UGT1A7: variants seen among roughly 807,000 people sequenced by gnomAD.
UGT1A7 encodes the protein UDP glucuronosyltransferase family 1 member A7, also known as UDP-glucuronosyltransferase 1A7.
A neutral mutation model predicts 45.6 loss-of-function variants in UGT1A7; 33 were observed. The ratio of observed to expected loss-of-function variants is 0.72; its 90% CI spans 0.55 to 0.97. UGT1A7 has a LOEUF of 0.97. UGT1A7 is among the 50% of genes least tolerant of loss of function. The pLI is 0.00. For missense variants in UGT1A7, 684 were observed against 666.2 expected (o/e 1.03, Z -0.29); for synonymous variants, 274 against 250.6 (o/e 1.09, Z -0.88).
rs1226545500 is a variant in UGT1A7 at position 233,773,111 on chromosome 2, T to C, written c.*552T>C. On this transcript the variant is annotated 3_prime_UTR_variant, in exon 5 of 5. Transcript: ENST00000373426. ...GCACTGAGAACAGCATATGATTTCT[T>C]GCTTTGGGGAAAAAGAATGATGCTA... The C allele has an allele frequency of 6.4e-6, 1 of 155,166 alleles. No individual in the cohort carries two copies. Among genetic ancestry groups the C allele is most frequent in the Non-Finnish European group, 1.4e-5 (1 of 69,776 alleles). 9.6% of individuals were successfully genotyped at this position (155,166 alleles called of 1,614,324 possible).
intron 1 of UGT1A7, among the ~76,000 whole-genome samples, chr2:233,764,963 G>A (rs1465022385): frequency 6.6e-6 from 1 of 152,090 alleles, no homozygotes; most frequent in East Asian, 1.9e-4. Flanking sequence ...GCTCACCTTG[G>A]GAGAAGGATG....
chr2:233,724,540 G>A (rs1161691820), intron 1 of UGT1A7, among the ~76,000 whole-genome samples: 2 of 122,844 alleles, frequency 1.6e-5, no homozygotes, highest in African/African-American at 3.3e-5. Context: ...CCGGGCAGAG[G>A]CGCTCCTCAC....
intron 1 of UGT1A7, among the ~76,000 whole-genome samples, chr2:233,684,647 T>A (rs1458462010): frequency 6.6e-6 from 1 of 152,170 alleles, no homozygotes; most frequent in African/African-American, 2.4e-5. Flanking sequence ...AATATATGCA[T>A]TTATATGCCT....
intron 1 of UGT1A7, chr2:233,743,644 G>T (rs1317452521): frequency 1.5e-6 from 2 of 1,367,194 alleles, no homozygotes; most frequent in East Asian, 9.1e-5. Flanking sequence ...CGCGGAAGCT[G>T]AAGACGTACT....
In UGT1A7 at chr2:233,725,005, C is replaced by T. The variant is rs1205607932; in HGVS notation, c.856-42029C>T. 3.6e-4 allele frequency among the ~76,000 whole-genome samples: 53 copies of T among 147,398 alleles called. 3 individuals carry two copies. The highest frequency in any genetic ancestry group is 1.3e-3 in the African/African-American group (50 of 39,416). The stretch of plus-strand genomic sequence containing the variant: ...CGCGGTTAGGGGCTGGAGACCGGCC[C>T]GGCCAAACAGCAAAACCCGGTCTCC... On this transcript the variant is annotated intron_variant, in intron 1 of 4. Transcript: ENST00000373426.
rs1254411333 is a variant in UGT1A7 at position 233,772,451 on chromosome 2, C to T, written c.1485C>T (p.Val495=). ...SLDVIGFLLA[V]VLTVAFITFK... The stretch of plus-strand genomic sequence containing the variant: ...ACGTGATTGGTTTCCTCTTGGCCGT[C>T]GTGCTGACAGTGGCCTTCATCACCT... The change falls in exon 5 of 5, where the codon GTC becomes GTT. Residue 495 remains valine (V), a synonymous_variant. Transcript: ENST00000373426. 9 of 1,614,028 alleles carry T rather than the reference C, an allele frequency of 5.6e-6. No homozygotes were observed. The highest frequency in any genetic ancestry group is 1.1e-5 in the South Asian group (1 of 91,086).
intron 1 of UGT1A7, chr2:233,691,193 C>T: frequency 1.0e-6 from 1 of 985,666 alleles, no homozygotes; most frequent in Non-Finnish European, 1.2e-6. Flanking sequence ...GAAGGTGGAC[C>T]TGAGCTCTGT....
chr2:233,743,499 G>A (rs1692319680), intron 1 of UGT1A7: 1 of 1,367,148 alleles, frequency 7.3e-7, no homozygotes, highest in African/African-American at 1.5e-5. Context: ...CAGAGAAAAG[G>A]GGTGCAGACG....
chr2:233,766,494 G>T (rs1250106940), intron 1 of UGT1A7, among the ~76,000 whole-genome samples: 2 of 152,182 alleles, frequency 1.3e-5, no homozygotes, highest in Non-Finnish European at 2.9e-5. Flanking sequence ...GGCGTGGCAG[G>T]CCAGGGTGGT....
At chr2:233,710,852 T>A (rs1299633066) in intron 1 of UGT1A7, among the ~76,000 whole-genome samples, 1 of 152,250 alleles carries the variant, frequency 6.6e-6, no homozygotes, top group East Asian at 1.9e-4. Context: ...AGGATTTGTT[T>A]CTATGTTTTT....
At chr2:233,714,637 G>A (rs144014663) in intron 1 of UGT1A7, among the ~76,000 whole-genome samples, 2 of 152,328 alleles carry the variant, frequency 1.3e-5, no homozygotes, top group East Asian at 3.9e-4. Context: ...TAAAATTAAT[G>A]TGAATAATGC....
At chr2:233,686,517 C>T (rs949719611) in intron 1 of UGT1A7, among the ~76,000 whole-genome samples, 5 of 152,098 alleles carry the variant, frequency 3.3e-5, no homozygotes, top group Non-Finnish European at 7.4e-5. Context: ...GGAGCCTCCA[C>T]CTGCGTTAGA....
chr2:233,713,546 A>G, intron 1 of UGT1A7: 1 of 1,613,984 alleles, frequency 6.2e-7, no homozygotes, highest in South Asian at 1.1e-5. Context: ...TTAAGGGCAC[A>G]CAGTGTCCAA....
intron 1 of UGT1A7, among the ~76,000 whole-genome samples, chr2:233,764,304 G>T (rs1377470557): frequency 6.6e-6 from 1 of 152,130 alleles, no homozygotes; most frequent in Non-Finnish European, 1.5e-5. Context: ...TCAGGGTGAA[G>T]TTTAAGGGAA....
At chr2:233,747,695 G>C in intron 1 of UGT1A7, 1 of 1,611,470 alleles carries the variant, frequency 6.2e-7, no homozygotes, top group Non-Finnish European at 8.5e-7. Flanking sequence ...GGGCAGTGCT[G>C]GCTAAGTACC....
At chr2:233,760,403 A>T (rs2125983562) in intron 1 of UGT1A7, 1 of 1,614,240 alleles carries the variant, frequency 6.2e-7, no homozygotes, top group Non-Finnish European at 8.5e-7. Flanking sequence ...GATGGCAGCC[A>T]CTGGCTGAGC....
chr2:233,769,841 G>A lies in UGT1A7; in HGVS notation c.1295+1402G>A. On this transcript the variant is annotated intron_variant, in intron 4 of 4. Transcript: ENST00000373426. The surrounding 1 kb of genome is among the most constrained non-coding windows in gnomAD (Gnocchi z 4.4). ...CTGCACTCCAGCAACCTGGGCAACAGAGTGAGACCCTGTCTCAAAAAAAAA... is the reference window on the plus strand; with the variant it reads ...CTGCACTCCAGCAACCTGGGCAACAAAGTGAGACCCTGTCTCAAAAAAAAA... 1.8e-6 allele frequency: 1 copy of A among 550,094 alleles called. No individual in the cohort carries two copies. Among genetic ancestry groups the A allele is most frequent in the Non-Finnish European group, 2.8e-6 (1 of 353,910 alleles). The allele number at this position is 550,094 out of a possible 1,614,324, so 34.1% of individuals were successfully genotyped here.
rs1133495 is a variant in UGT1A7 at position 233,754,558 on chromosome 2, G to C, written c.856-12476G>C. On this transcript the variant is annotated intron_variant, in intron 1 of 4. Transcript: ENST00000373426. The stretch of plus-strand genomic sequence containing the variant: ...GGACTGGAATTACTTGGTGTCAATG[G>C]GGAGCAACTGCTCTATGCCGTTTAT... The C allele has an allele frequency of 1.8e-5, 7 of 391,006 alleles. No homozygotes were observed. In the East Asian group the frequency reaches 2.9e-4, roughly 16 times the overall value. The allele number at this position is 391,006 out of a possible 1,614,324, so 24.2% of individuals were successfully genotyped here. A position where few individuals can be genotyped will look rare whatever the true frequency, so the allele number is the denominator to read the frequency against.
At chr2:233,685,229 C>T (rs975059697) in intron 1 of UGT1A7, among the ~76,000 whole-genome samples, 45 of 152,106 alleles carry the variant, frequency 3.0e-4, no homozygotes, top group Admixed American at 5.9e-4. Context: ...GACGGGGTTT[C>T]ACCATGTTGG....
Sources: allele counts gnomAD v4.1 joint callset (sites outside exome capture counted in the v4.1 genomes callset), GRCh38; gene constraint gnomAD v4.1.1; non-coding constraint Gnocchi (gnomAD v3.1); transcripts MANE v1.5; gene names NCBI Gene and HGNC (gene_info 2026-07-23, HGNC 2026-07-21).